GATA4: variants seen among roughly 807,000 people sequenced by gnomAD.
GATA4 encodes transcription factor GATA-4.
A neutral mutation model predicts 37.9 loss-of-function variants in GATA4; 7 were observed. The ratio of observed to expected loss-of-function variants is 0.18; its 90% CI spans 0.11 to 0.35. The LOEUF is 0.35. Among genes scored for constraint, GATA4 ranks in the 10% least tolerant of loss-of-function variants. The pLI is 1.00. For synonymous variants in GATA4, 372 were observed against 292.6 expected (o/e 1.27, Z -2.77); for missense variants, 647 against 653.0 (o/e 0.99, Z 0.10).
At chr8:11,725,149 G>C (rs2130168970) in intron 2 of GATA4, among the ~76,000 whole-genome samples, 1 of 152,376 alleles carries the variant, frequency 6.6e-6, no homozygotes, top group South Asian at 2.1e-4. Flanking sequence ...TCCCTGTGGG[G>C]CTGGGGTAGA....
intron 1 of GATA4, among the ~76,000 whole-genome samples, chr8:11,705,511 G>C (rs1205862135): frequency 1.3e-5 from 2 of 152,138 alleles, no homozygotes; most frequent in East Asian, 3.9e-4. Context: ...CTTGAAAGGG[G>C]AGCGCATTTC....
intron 3 of GATA4, 104 bp from the exon 4 acceptor site, chr8:11,750,007 C>G (rs1802220141): frequency 1.3e-6 from 2 of 1,548,346 alleles, no homozygotes; most frequent in Non-Finnish European, 1.8e-6. Context: ...TAGGGCCCAG[C>G]CCTGCCTCCC....
At chr8:11,699,654 G>GC (rs1351198767), upstream of GATA4, among the ~76,000 whole-genome samples, 2 of 152,234 alleles carry the variant, frequency 1.3e-5, no homozygotes, top group Admixed American at 6.5e-5. Context: ...ACCTGCTGGG[G>GC]CCCCTGCCTG....
At chr8:11,728,694 T>C (rs1314996759) in intron 2 of GATA4, among the ~76,000 whole-genome samples, 1 of 152,148 alleles carries the variant, frequency 6.6e-6, no homozygotes, top group Non-Finnish European at 1.5e-5. Context: ...GATTATGGGT[T>C]TGAGCCACTG....
upstream of GATA4, among the ~76,000 whole-genome samples, chr8:11,688,819 C>T (rs894778012): frequency 3.3e-5 from 5 of 152,178 alleles, no homozygotes; most frequent in Admixed American, 1.3e-4. Context: ...AGAACCTAAT[C>T]CCCAAATCCC....
At chr8:11,735,444 A>G (rs1190776549) in intron 2 of GATA4, among the ~76,000 whole-genome samples, 1 of 152,266 alleles carries the variant, frequency 6.6e-6, no homozygotes, top group Non-Finnish European at 1.5e-5. Flanking sequence ...TCTAAAAATA[A>G]AAATGTTAAT....
intron 2 of GATA4, among the ~76,000 whole-genome samples, chr8:11,733,725 G>C (rs1409347870): frequency 6.6e-6 from 1 of 152,254 alleles, no homozygotes; most frequent in Non-Finnish European, 1.5e-5. Flanking sequence ...CTGCAGAGGA[G>C]TATCCATGGT....
chr8:11,719,033 C>T (rs953623991), intron 2 of GATA4, among the ~76,000 whole-genome samples: 1 of 152,146 alleles, frequency 6.6e-6, no homozygotes, highest in African/African-American at 2.4e-5. Context: ...TGATATCTGT[C>T]ATTTTAGATA....
rs375658877 is a variant in GATA4 at position 11,750,251 on chromosome 8, C to T, written c.912+15C>T. ...AGCTCCACGGGGTACGTGGGTCCTG[C>T]GCCCATGCGGCATCCTTGCCTTCTG... On this transcript the variant is annotated intron_variant, in intron 4 of 6. Transcript: ENST00000532059. The T allele has an allele frequency of 5.2e-5, 83 of 1,611,400 alleles. 1 individual carries two copies. Among genetic ancestry groups the T allele is most frequent in the South Asian group, 4.4e-4 (40 of 91,086 alleles).
At chr8:11,691,573 G>T (rs1799315598), upstream of GATA4, among the ~76,000 whole-genome samples, 1 of 152,242 alleles carries the variant, frequency 6.6e-6, no homozygotes, top group Non-Finnish European at 1.5e-5. Flanking sequence ...CTGGGAGACA[G>T]TTTAGTAGTC....
At position 11,718,137 on chromosome 8, in the gene GATA4, A is replaced by T. The variant is rs576167109; in HGVS notation, c.616+9209A>T. ...CACAATAATGATGATTTTAGTAAAG[A>T]TAAGAATGGGGCATGGATCAAGACA... On this transcript the variant is annotated intron_variant, in intron 2 of 6. Transcript: ENST00000532059. Among the ~76,000 whole-genome samples, 19 of 152,376 alleles carry T rather than the reference A, an allele frequency of 1.2e-4. No individual in the cohort carries two copies. In the South Asian group the frequency reaches 3.9e-3, roughly 32 times the overall value.
rs1334859780 is a variant in GATA4, at chr8:11,708,896, G to C, written c.584G>C (p.Arg195Pro). 4 of 1,528,038 alleles carry C rather than the reference G, an allele frequency of 2.6e-6. No individual in the cohort carries two copies. Among genetic ancestry groups the C allele is most frequent in the Non-Finnish European group, 3.5e-6 (4 of 1,143,838 alleles). The allele number at this position is 1,528,038 out of a possible 1,614,324, so 94.7% of individuals were successfully genotyped here. A position where few individuals can be genotyped will look rare whatever the true frequency, so the allele number is the denominator to read the frequency against. Residue 195 changes from arginine (R) to proline (P), a missense_variant, in exon 2 of 7, where the codon CGG (arginine) becomes CCG (proline). Arg to Pro is a moderately radical substitution (Grantham distance 103). This residue lies in a region of GATA4 where 379 missense variants were observed against 334.5 expected (regional missense o/e 1.13). Coordinates refer to ENST00000532059, the MANE Select transcript of GATA4 (RefSeq NM_001308093.3). The surrounding 1 kb of genome is among the most constrained non-coding windows in gnomAD (Gnocchi z 6.7). ...CCGGTCCTGCACAGCCTGCCCGGCC[G>C]GGCCAACCCGGCCGCCCGACACCCC... Reference protein sequence around the residue: ...DSPVLHSLPGRANPAARHPNL... With the variant: ...DSPVLHSLPGPANPAARHPNL...
intron 2 of GATA4, among the ~76,000 whole-genome samples, chr8:11,739,039 G>A (rs1218844300): frequency 6.6e-6 from 1 of 152,244 alleles, no homozygotes; most frequent in Non-Finnish European, 1.5e-5. Flanking sequence ...CCCAGATGGG[G>A]ATGCCACTGT....
chr8:11,756,859 C>A, intron 5 of GATA4, 76 bp from the exon 6 acceptor site: 1 of 1,601,820 alleles, frequency 6.2e-7, no homozygotes, highest in Non-Finnish European at 8.6e-7. Flanking sequence ...GCACCCATCC[C>A]GGCTGTCTCG....
chr8:11,729,293 G>A (rs1233266087), intron 2 of GATA4, among the ~76,000 whole-genome samples: 7 of 152,110 alleles, frequency 4.6e-5, no homozygotes, highest in Non-Finnish European at 7.3e-5. Flanking sequence ...AATGCAGCTG[G>A]GCGCGGTGGC....
At chr8:11,680,092 T>C (rs984810874) in intron 1 of GATA4, among the ~76,000 whole-genome samples, 4 of 152,150 alleles carry the variant, frequency 2.6e-5, no homozygotes, top group African/African-American at 9.7e-5. Context: ...GGAGAAGGTC[T>C]TCCCAAGAGA....
chr8:11,710,405 C>A (rs1017985926), intron 2 of GATA4, among the ~76,000 whole-genome samples: 10 of 151,966 alleles, frequency 6.6e-5, no homozygotes, highest in Non-Finnish European at 1.5e-4. Context: ...CCTGGCCTTG[C>A]GCGCTTACGG....
At chr8:11,743,305 C>T (rs1008573708) in intron 2 of GATA4, among the ~76,000 whole-genome samples, 1 of 152,236 alleles carries the variant, frequency 6.6e-6, no homozygotes, top group African/African-American at 2.4e-5. Context: ...GACAGGGGCG[C>T]GTATACAGAC....
intron 2 of GATA4, among the ~76,000 whole-genome samples, chr8:11,737,415 G>T (rs779912526): frequency 1.1e-4 from 17 of 152,256 alleles, no homozygotes; most frequent in Non-Finnish European, 2.2e-4. Context: ...CCCTGAGGGA[G>T]CTGCCCTGGC....
Sources: gnomAD v4.1 joint callset for allele counts (sites outside exome capture counted in the v4.1 genomes callset) on GRCh38, gnomAD v4.1.1 for gene constraint, gnomAD v4.1.1 regional missense constraint, Gnocchi (gnomAD v3.1) non-coding constraint, MANE v1.5 for transcripts, NCBI Gene and HGNC (gene_info 2026-07-23, HGNC 2026-07-21) for gene names.